MTDH: variants seen among roughly 807,000 people sequenced by gnomAD.
MTDH encodes the protein protein LYRIC.
In MTDH, 34 loss-of-function variants were observed where a neutral mutation model predicts 72.7. That is an observed-to-expected ratio of 0.47 (90% CI 0.36 to 0.62). The LOEUF (loss-of-function observed/expected upper bound fraction) is 0.62, where lower values mean the gene tolerates loss of function less well. Ranked by LOEUF, MTDH falls within the 20% of genes least tolerant of loss-of-function variation. MTDH has a pLI of 0.00. For synonymous variants in MTDH, 266 were observed against 268.9 expected (o/e 0.99, Z 0.10); for missense variants, 677 against 699.4 (o/e 0.97, Z 0.36).
intron 2 of MTDH, among the ~76,000 whole-genome samples, chr8:97,667,582 A>T (rs1812443282): frequency 6.6e-6 from 1 of 152,218 alleles, no homozygotes; most frequent in African/African-American, 2.4e-5. Flanking sequence ...GATTATTCAG[A>T]TTTGCATATT....
intron 9 of MTDH, among the ~76,000 whole-genome samples, chr8:97,714,709 AT>A (rs1477956729): frequency 6.6e-6 from 1 of 152,192 alleles, no homozygotes; most frequent in Non-Finnish European, 1.5e-5. Flanking sequence ...TTCTTAAAAT[AT>A]TTGTATTCCT....
intron 1 of MTDH, among the ~76,000 whole-genome samples, chr8:97,651,106 C>G (rs765153854): frequency 2.6e-5 from 4 of 152,178 alleles, no homozygotes; most frequent in Admixed American, 6.5e-5. Context: ...CTATAAAGTT[C>G]CCACTGAATT....
chr8:97,697,589 G>C (rs1330336887), intron 6 of MTDH, among the ~76,000 whole-genome samples: 1 of 151,888 alleles, frequency 6.6e-6, no homozygotes, highest in African/African-American at 2.4e-5. Context: ...GTTTTACCGT[G>C]TTAGCCAGGA....
At chr8:97,655,665 A>G (rs914129321) in intron 1 of MTDH, among the ~76,000 whole-genome samples, 3 of 152,224 alleles carry the variant, frequency 2.0e-5, no homozygotes, top group Non-Finnish European at 4.4e-5. Flanking sequence ...AGAAAAGGGT[A>G]GACGGGCCAG....
chr8:97,652,892 G>A (rs906341459), intron 1 of MTDH, among the ~76,000 whole-genome samples: 16 of 151,842 alleles, frequency 1.1e-4, no homozygotes, highest in Admixed American at 5.2e-4. Context: ...CCAGTACTTC[G>A]GGCGGACCAC....
intron 2 of MTDH, among the ~76,000 whole-genome samples, chr8:97,678,858 G>A (rs879787315): frequency 2.0e-5 from 3 of 151,840 alleles, no homozygotes; most frequent in African/African-American, 2.4e-5. Context: ...GCCCCTTCAC[G>A]CTTAAGGAAA....
chr8:97,688,150 A>AT (rs754613371), intron 4 of MTDH, among the ~76,000 whole-genome samples: 1 of 152,200 alleles, frequency 6.6e-6, no homozygotes, highest in African/African-American at 2.4e-5. Flanking sequence ...TGTTCATACT[A>AT]TCCAATACTG....
At chr8:97,646,029 T>C (rs1438375082) in intron 1 of MTDH, among the ~76,000 whole-genome samples, 1 of 152,160 alleles carries the variant, frequency 6.6e-6, no homozygotes, top group African/African-American at 2.4e-5. Context: ...GATTCATAAA[T>C]AATTAGAATT....
At chr8:97,668,583 T>C (rs1208249244) in intron 2 of MTDH, among the ~76,000 whole-genome samples, 26 of 152,050 alleles carry the variant, frequency 1.7e-4, no homozygotes, top group Non-Finnish European at 3.2e-4. Context: ...AGACAGAGTC[T>C]AGCTCTTGTC....
rs188478053 is a variant in MTDH, at chr8:97,725,942, G to C, written c.*1272G>C. 1.3e-5 allele frequency: 2 copies of C among 152,544 alleles called. No individual in the cohort carries two copies. Among genetic ancestry groups the C allele is most frequent in the African/African-American group, 4.8e-5 (2 of 41,502 alleles). 9.4% of individuals were successfully genotyped at this position (152,544 alleles called of 1,614,324 possible). A position where few individuals can be genotyped will look rare whatever the true frequency, so the allele number is the denominator to read the frequency against. ...CAAGGACCATAATTAACATCACTTA[G>C]TGAATTGTGATAAAGAAAAAAAAGC... On this transcript the variant is annotated 3_prime_UTR_variant, in exon 12 of 12. Transcript: ENST00000336273.
At chr8:97,718,516 TG>T (rs1390694353) in intron 9 of MTDH, among the ~76,000 whole-genome samples, 2 of 115,112 alleles carry the variant, frequency 1.7e-5, no homozygotes, top group African/African-American at 5.5e-5. Context: ...TTTTTGTTTT[TG>T]TTTTTTTTGT....
chr8:97,653,592 C>T (rs1811855574), intron 1 of MTDH, among the ~76,000 whole-genome samples: 2 of 152,080 alleles, frequency 1.3e-5, no homozygotes, highest in Non-Finnish European at 2.9e-5. Flanking sequence ...AGTAGTTGTG[C>T]CCATCTTAGA....
At chr8:97,675,573 A>AG (rs1321844125) in intron 2 of MTDH, among the ~76,000 whole-genome samples, 3 of 147,018 alleles carry the variant, frequency 2.0e-5, no homozygotes, top group African/African-American at 5.1e-5. Context: ...AAAAAAAAAA[A>AG]AAAAAATTAC....
chr8:97,702,333 T>G (rs996280670), intron 7 of MTDH, among the ~76,000 whole-genome samples: 6 of 152,202 alleles, frequency 3.9e-5, no homozygotes, highest in Admixed American at 3.9e-4. Flanking sequence ...ACAGACTACC[T>G]GGGTTTCAAT....
chr8:97,693,165 G>A (rs568713747), intron 6 of MTDH, among the ~76,000 whole-genome samples: 2 of 152,282 alleles, frequency 1.3e-5, no homozygotes, highest in African/African-American at 4.8e-5. Flanking sequence ...TATACTCAAA[G>A]CATCAGTATA....
intron 8 of MTDH, among the ~76,000 whole-genome samples, chr8:97,713,203 G>A (rs1314507219): frequency 6.6e-6 from 1 of 152,096 alleles, no homozygotes; most frequent in African/African-American, 2.4e-5. Context: ...TCCTGCTTTA[G>A]CCTCCCGAGT....
chr8:97,649,490 G>A (rs1441802221), intron 1 of MTDH, among the ~76,000 whole-genome samples: 1 of 152,186 alleles, frequency 6.6e-6, no homozygotes, highest in African/African-American at 2.4e-5. Context: ...TGGCACTCGA[G>A]TCTCTTCATG....
intron 4 of MTDH, among the ~76,000 whole-genome samples, chr8:97,688,310 G>C (rs540614666): frequency 6.6e-6 from 1 of 152,032 alleles, no homozygotes; most frequent in African/African-American, 2.4e-5. Flanking sequence ...CCACACCTCA[G>C]TTGTTTCCAA....
intron 2 of MTDH, among the ~76,000 whole-genome samples, chr8:97,670,650 G>A (rs1356735341): frequency 6.6e-6 from 1 of 152,108 alleles, no homozygotes; most frequent in Admixed American, 6.6e-5. Context: ...AAAAATAAAT[G>A]CCTGAAACTG....
Sources: allele counts gnomAD v4.1 joint callset (sites outside exome capture counted in the v4.1 genomes callset), GRCh38; gene constraint gnomAD v4.1.1; transcripts MANE v1.5; gene names NCBI Gene and HGNC (gene_info 2026-07-23, HGNC 2026-07-21).